PPM1L: variants seen among roughly 807,000 people sequenced by gnomAD.
PPM1L encodes the protein protein phosphatase, Mg2+/Mn2+ dependent 1L.
PPM1L carries 13 observed loss-of-function variants against 31.4 expected under a neutral mutation model. That is an observed-to-expected ratio of 0.41 (90% CI 0.27 to 0.66). The LOEUF is 0.66. Ranked by LOEUF, PPM1L falls within the 30% of genes least tolerant of loss-of-function variation. PPM1L has a pLI of 0.29. For missense variants in PPM1L, 326 were observed against 453.7 expected (o/e 0.72, Z 2.56); for synonymous variants, 184 against 175.4 (o/e 1.05, Z -0.39).
rs147190325 is a variant in PPM1L, at chr3:160,825,540, C to T, written c.399+68833C>T. Among the ~76,000 whole-genome samples, 50 of 152,210 alleles carry T rather than the reference C, an allele frequency of 3.3e-4. No homozygotes were observed. In the East Asian group the frequency reaches 7.1e-3, roughly 22 times the overall value. ...TCATGAGACAAGCATTGTTACCTCC[C>T]GCATGTTAAAGACAGTGGAACAGGT... is the stretch of plus-strand genomic sequence containing the variant. On this transcript the variant is annotated intron_variant, in intron 1 of 3. Transcript: ENST00000498165.
chr3:160,864,393 T>A (rs1347121424), intron 1 of PPM1L, among the ~76,000 whole-genome samples: 1 of 152,076 alleles, frequency 6.6e-6, no homozygotes. Flanking sequence ...CCCAGGCTGG[T>A]CTCAAACACC....
At chr3:160,849,419 C>CT (rs540982855) in intron 1 of PPM1L, among the ~76,000 whole-genome samples, 44 of 143,384 alleles carry the variant, frequency 3.1e-4, no homozygotes, top group East Asian at 1.0e-3. Context: ...TTCTTTCTTT[C>CT]TTTTTTTTTT....
chr3:160,776,484 AAATTGAGTAGGAGTT>A (rs1481000110), intron 1 of PPM1L, among the ~76,000 whole-genome samples: 1 of 152,170 alleles, frequency 6.6e-6, no homozygotes, highest in Non-Finnish European at 1.5e-5. Flanking sequence ...TGCCTTCCTT[AAATTGAGTAGGAGTT>A]ATGGCTATGA....
At chr3:160,846,192 C>G (rs1212457330) in intron 1 of PPM1L, among the ~76,000 whole-genome samples, 1 of 151,994 alleles carries the variant, frequency 6.6e-6, no homozygotes, top group Non-Finnish European at 1.5e-5. Flanking sequence ...AACAAAAAAA[C>G]TTGGTTTTTC....
rs1203568353 is a variant in PPM1L, at chr3:161,077,795, C to T, written c.*8638C>T. The T allele has an allele frequency of 2.0e-5, 3 of 152,082 alleles. No individual in the cohort carries two copies. Among genetic ancestry groups the T allele is most frequent in the Non-Finnish European group, 2.9e-5 (2 of 67,992 alleles). The allele number at this position is 152,082 out of a possible 1,614,324, so 9.4% of individuals were successfully genotyped here. A position where few individuals can be genotyped will look rare whatever the true frequency, so the allele number is the denominator to read the frequency against. On this transcript the variant is annotated 3_prime_UTR_variant, in exon 4 of 4. Coordinates refer to ENST00000498165, the MANE Select transcript of PPM1L (RefSeq NM_139245.4). ...TGGAATTTAAGTTTTGTATTTTGAA[C>T]AAAAATAGCAACATCTGTTTTCTGT...
At chr3:160,820,680 ATTGT>A (rs1713166892) in intron 1 of PPM1L, among the ~76,000 whole-genome samples, 1 of 152,062 alleles carries the variant, frequency 6.6e-6, no homozygotes, top group Non-Finnish European at 1.5e-5. Flanking sequence ...TTAGCTCAAA[ATTGT>A]TTGTGAGATT....
chr3:160,977,829 A>C (rs1486660366), intron 2 of PPM1L, among the ~76,000 whole-genome samples: 1 of 152,186 alleles, frequency 6.6e-6, no homozygotes, highest in Non-Finnish European at 1.5e-5. Flanking sequence ...AAACCTAATG[A>C]CTTATAAAGT....
At chr3:161,014,459 T>G (rs1718010125) in intron 2 of PPM1L, among the ~76,000 whole-genome samples, 1 of 149,542 alleles carries the variant, frequency 6.7e-6, no homozygotes. Flanking sequence ...AATATCCCTT[T>G]TTTTCAAGTC....
At position 160,950,903 on chromosome 3, in the gene PPM1L, T is replaced by C. The variant is rs189676740; in HGVS notation, c.400-10833T>C. On this transcript the variant is annotated intron_variant, in intron 1 of 3. Transcript: ENST00000498165. ...CTGGAATACATTTGGATAGCACTAA[T>C]GGAAGTTAATATTTCTCCAAGCTCT... Among the ~76,000 whole-genome samples, 7 of 152,364 alleles carry C rather than the reference T, an allele frequency of 4.6e-5. No individual in the cohort carries two copies. In the East Asian group the frequency reaches 1.3e-3, roughly 29 times the overall value.
chr3:161,003,334 T>G (rs1717574670), intron 2 of PPM1L, among the ~76,000 whole-genome samples: 1 of 151,360 alleles, frequency 6.6e-6, no homozygotes, highest in East Asian at 2.0e-4. Flanking sequence ...TCTTTTTTGG[T>G]TCCATATGAA....
chr3:161,022,182 T>C, intron 2 of PPM1L: 1 of 676,990 alleles, frequency 1.5e-6, no homozygotes. Flanking sequence ...GCTTGGAGAC[T>C]GCAAGTAACA....
At chr3:160,915,594 A>G (rs1442380332) in intron 1 of PPM1L, among the ~76,000 whole-genome samples, 1 of 152,236 alleles carries the variant, frequency 6.6e-6, no homozygotes, top group Non-Finnish European at 1.5e-5. Flanking sequence ...AGGAGCCCGC[A>G]TTGCCAAGTC....
intron 1 of PPM1L, among the ~76,000 whole-genome samples, chr3:160,948,084 G>A (rs148771627): frequency 3.1e-3 from 474 of 152,076 alleles, no homozygotes; most frequent in South Asian, 0.013. Context: ...GCACATAGTC[G>A]ACATCCAATA....
At chr3:160,881,523 C>G (rs1712712724) in intron 1 of PPM1L, among the ~76,000 whole-genome samples, 1 of 152,162 alleles carries the variant, frequency 6.6e-6, no homozygotes, top group African/African-American at 2.4e-5. Flanking sequence ...ATACACCTCC[C>G]CCATCTTTCT....
Position 161,076,481 on chromosome 3 carries a change from T to C in PPM1L, c.*7324T>C, listed in dbSNP as rs894313565. ...AAAATATGACCATGGAGAAAACCCA[T>C]AACTTTTGCTTCTATTATAGAAAGC... On this transcript the variant is annotated 3_prime_UTR_variant, in exon 4 of 4. Coordinates refer to ENST00000498165, the MANE Select transcript of PPM1L (RefSeq NM_139245.4). 1 of 152,254 alleles carries C rather than the reference T, an allele frequency of 6.6e-6. No individual in the cohort carries two copies. The highest frequency in any genetic ancestry group is 2.4e-5 in the African/African-American group (1 of 41,466). 9.4% of individuals were successfully genotyped at this position (152,254 alleles called of 1,614,324 possible). A position where few individuals can be genotyped will look rare whatever the true frequency, so the allele number is the denominator to read the frequency against.
At chr3:160,908,237 T>C (rs1458653596) in intron 1 of PPM1L, among the ~76,000 whole-genome samples, 2 of 152,200 alleles carry the variant, frequency 1.3e-5, no homozygotes, top group Non-Finnish European at 2.9e-5. Flanking sequence ...CTTTTTTAAG[T>C]AGTAGGCTAT....
chr3:160,786,224 T>A (rs1711930481), intron 1 of PPM1L, among the ~76,000 whole-genome samples: 2 of 122,776 alleles, frequency 1.6e-5, no homozygotes, highest in African/African-American at 3.2e-5. Context: ...TTTTTTTTTT[T>A]TTTTTTTTTT....
chr3:160,767,442 C>A (rs1292160560), intron 1 of PPM1L, among the ~76,000 whole-genome samples: 1 of 151,844 alleles, frequency 6.6e-6, no homozygotes, highest in African/African-American at 2.4e-5. Flanking sequence ...GCCATGTTAC[C>A]CAGGCTGATC....
At chr3:160,877,431 T>A (rs1323152796) in intron 1 of PPM1L, among the ~76,000 whole-genome samples, 1 of 152,212 alleles carries the variant, frequency 6.6e-6, no homozygotes, top group Non-Finnish European at 1.5e-5. Flanking sequence ...AGCTTTCTGT[T>A]GCTTTCCAGT....
Sources: allele counts gnomAD v4.1 joint callset (sites outside exome capture counted in the v4.1 genomes callset), GRCh38; gene constraint gnomAD v4.1.1; transcripts MANE v1.5; gene names NCBI Gene and HGNC (gene_info 2026-07-23, HGNC 2026-07-21).